SH3D21: variants seen among roughly 807,000 people sequenced by gnomAD.
SH3D21 encodes SH3 domain-containing protein 21.
In SH3D21, 83 loss-of-function variants were observed where a neutral mutation model predicts 82.1. That is an observed-to-expected ratio of 1.01 (90% CI 0.85 to 1.21). The LOEUF (loss-of-function observed/expected upper bound fraction) is 1.21. SH3D21 is among the 50% of genes most tolerant of loss of function. The pLI, the probability that SH3D21 is intolerant of heterozygous loss-of-function variation, is 0.00. For synonymous variants in SH3D21, 383 were observed against 387.8 expected (o/e 0.99, Z 0.15); for missense variants, 980 against 962.1 (o/e 1.02, Z -0.25).
Position 36,306,804 on chromosome 1 carries a change from G to T in SH3D21, c.163-38G>T, listed in dbSNP as rs1186554818. The T allele has an allele frequency of 7.7e-7, 1 of 1,292,766 alleles. No individual in the cohort carries two copies. Among genetic ancestry groups the T allele is most frequent in the Admixed American group, 2.3e-5 (1 of 43,324 alleles). 80.1% of individuals were successfully genotyped at this position (1,292,766 alleles called of 1,614,324 possible). On this transcript the variant is annotated intron_variant, in intron 2 of 15. Transcript: ENST00000453908. This position sits in a 1 kb window ranked among gnomAD's most constrained non-coding sequence, Gnocchi z 4.5. ...TGTGGGGTCTCAGCGCGCGCCCCCC[G>T]GGAGCTGAGAGCGCCTTCCCCGTGC...
At chr1:36,327,914 G>A, downstream of SH3D21, 2 of 1,272,794 alleles carry the variant, frequency 1.6e-6, no homozygotes, top group Non-Finnish European at 2.1e-6. Flanking sequence ...CAGCCCACCA[G>A]CCTGTCCGTG....
downstream of SH3D21, chr1:36,322,827 C>G (rs113936116): frequency 1.3e-6 from 2 of 1,487,092 alleles, no homozygotes; most frequent in Non-Finnish European, 1.8e-6. Flanking sequence ...AGGCCTGTAA[C>G]CCCTACTCGA....
chr1:36,322,279 C>G, downstream of SH3D21: 1 of 1,483,054 alleles, frequency 6.7e-7, no homozygotes, highest in Non-Finnish European at 8.9e-7. Flanking sequence ...CGCCTTGCAG[C>G]GGGAGCCGGG....
Position 36,307,891 on chromosome 1 carries a change from G to C in SH3D21, c.493-27G>C, listed in dbSNP as rs1411418742. ...CTTGGGGTGGTTGGAGGCTCATCTA[G>C]TTCCTCCCTGCCCCTTCCCCCACTA... On this transcript the variant is annotated intron_variant, in intron 6 of 15. Coordinates refer to ENST00000453908, the MANE Select transcript of SH3D21 (RefSeq NM_001162530.2). This position sits in a 1 kb window ranked among gnomAD's most constrained non-coding sequence, Gnocchi z 5.4. 1.3e-6 allele frequency: 2 copies of C among 1,551,558 alleles called. No individual in the cohort carries two copies. The highest frequency in any genetic ancestry group is 2.7e-5 in the African/African-American group (2 of 73,016).
intron 10 of SH3D21, among the ~76,000 whole-genome samples, chr1:36,315,364 C>T (rs561163407): frequency 2.0e-5 from 3 of 151,670 alleles, no homozygotes; most frequent in Middle Eastern, 3.4e-3. Context: ...TTTTCTTTTG[C>T]GGGGGGAAGG....
chr1:36,322,761 G>A (rs1482031365), downstream of SH3D21: 1 of 1,534,722 alleles, frequency 6.5e-7, no homozygotes, highest in Non-Finnish European at 8.8e-7. Context: ...GGAGAGGCCC[G>A]GACGGGTGGG....
In SH3D21 at chr1:36,306,571, C is replaced by CA. The variant is rs1646124412; in HGVS notation, c.5-26dup. 1 of 1,302,464 alleles carries CA rather than the reference C, an allele frequency of 7.7e-7. No individual in the cohort carries two copies. Among genetic ancestry groups the CA allele is most frequent in the Non-Finnish European group, 1.0e-6 (1 of 988,334 alleles). The allele number at this position is 1,302,464 out of a possible 1,614,324, so 80.7% of individuals were successfully genotyped here. On this transcript the variant is annotated intron_variant, in intron 1 of 15. Coordinates refer to ENST00000453908, the MANE Select transcript of SH3D21 (RefSeq NM_001162530.2). The surrounding 1 kb of genome is among the most constrained non-coding windows in gnomAD (Gnocchi z 4.5). ...TGCCCGGCTGGGCCTTTCTGAGCCGCACGCCGGCCCCGTCTTCCGCCCGCA... is the reference window on the plus strand; with the variant it reads ...TGCCCGGCTGGGCCTTTCTGAGCCGCAACGCCGGCCCCGTCTTCCGCCCGCA...
chr1:36,321,681 C>A, downstream of SH3D21: 1 of 1,017,450 alleles, frequency 9.8e-7, no homozygotes, highest in African/African-American at 1.7e-5. The surrounding 1 kb of genome is among the most constrained non-coding windows in gnomAD (Gnocchi z 6.1). Flanking sequence ...GCACCTTAGC[C>A]TCGAGGTCAG....
chr1:36,316,014 C>G (rs929018942), intron 10 of SH3D21, among the ~76,000 whole-genome samples: 4 of 152,132 alleles, frequency 2.6e-5, no homozygotes, highest in Non-Finnish European at 4.4e-5. Flanking sequence ...ACATCCTGAA[C>G]TTCTTCAAAT....
rs1646414521 is a variant in SH3D21, at chr1:36,319,862, G to A, written c.1199G>A (p.Gly400Glu). The A allele has an allele frequency of 6.2e-7, 1 of 1,613,492 alleles. No homozygotes were observed. Among genetic ancestry groups the A allele is most frequent in the South Asian group, 1.1e-5 (1 of 91,014 alleles). Residue 400 changes from glycine to glutamate, a missense_variant, in exon 14 of 16, where the codon GGG (glycine) becomes GAG (glutamate). Physicochemically the swap from Gly to Glu is moderately conservative, Grantham distance 98 (BLOSUM62 -2). Coordinates refer to ENST00000453908, the MANE Select transcript of SH3D21 (RefSeq NM_001162530.2). ...LTLGDKASIP[G>E]NSTSGKIPAP... is the part of the protein sequence containing the mutation. ...CTAGGGGACAAGGCCTCTATCCCAG[G>A]GAACTCCACCTCGGGGAAGATCCCA...
At chr1:36,308,572 T>A in intron 9 of SH3D21, 97 bp downstream of exon 9, 1 of 943,210 alleles carries the variant, frequency 1.1e-6, no homozygotes, top group Non-Finnish European at 1.6e-6. Context: ...GGAGGGTCAC[T>A]AAATGAGGGT....
In SH3D21 at chr1:36,307,478, G is replaced by A. The variant is rs920148790; in HGVS notation, c.346-39G>A. On this transcript the variant is annotated intron_variant, in intron 4 of 15. Coordinates refer to ENST00000453908, the MANE Select transcript of SH3D21 (RefSeq NM_001162530.2). The surrounding 1 kb of genome is among the most constrained non-coding windows in gnomAD (Gnocchi z 5.4). ...GGCAGATTATCCTAGGGACTCTTGG[G>A]GCAGAACCAGACGCCTCTGCGTCCT... 7.1e-6 allele frequency: 11 copies of A among 1,544,914 alleles called. No homozygotes were observed. Among genetic ancestry groups the A allele is most frequent in the Non-Finnish European group, 9.6e-6 (11 of 1,141,718 alleles).
chr1:36,325,802 C>T (rs1646537027), downstream of SH3D21, among the ~76,000 whole-genome samples: 1 of 152,240 alleles, frequency 6.6e-6, no homozygotes, highest in Admixed American at 6.5e-5. Context: ...CCTTGACCTC[C>T]CAAAGTGCAG....
In SH3D21 at chr1:36,306,749, G is replaced by C; in HGVS notation, c.156G>C (p.Leu52=). The change falls in exon 2 of 16, where the codon CTG becomes CTC. Residue 52 remains leucine, a synonymous_variant. Coordinates refer to ENST00000453908, the MANE Select transcript of SH3D21 (RefSeq NM_001162530.2). This position sits in a 1 kb window ranked among gnomAD's most constrained non-coding sequence, Gnocchi z 4.5. ...GGRYGLFPER[L]VQEIPETLRG... is the part of the protein sequence containing the mutation. ...GCTATGGCCTCTTCCCCGAGCGCCT[G>C]GTGCAGGTGAGGCCGAGCCAGGGGC... 1 of 1,289,504 alleles carries C rather than the reference G, an allele frequency of 7.8e-7. No homozygotes were observed. Among genetic ancestry groups the C allele is most frequent in the Non-Finnish European group, 1.0e-6 (1 of 986,714 alleles). 79.9% of individuals were successfully genotyped at this position (1,289,504 alleles called of 1,614,324 possible). A position where few individuals can be genotyped will look rare whatever the true frequency, so the allele number is the denominator to read the frequency against.
rs777279979 is a variant in SH3D21, at chr1:36,319,506, G to C, written c.981G>C (p.Gln327His). ...CTGGCCGAAAGCGATCCAAAACCCAGACTCCCCAGCAACGCTCTGTGTCCA... is the reference window on the plus strand; with the variant it reads ...CTGGCCGAAAGCGATCCAAAACCCACACTCCCCAGCAACGCTCTGTGTCCA... ...YHPGRKRSKT[Q>H]TPQQRSVSSQ... The change falls in exon 13 of 16, where the codon CAG becomes CAC. Residue 327 changes from glutamine to histidine, a missense_variant. By Grantham distance (24) the Gln-to-His change is conservative. Coordinates refer to ENST00000453908, the MANE Select transcript of SH3D21 (RefSeq NM_001162530.2). The C allele has an allele frequency of 3.8e-5, 59 of 1,551,538 alleles. No individual in the cohort carries two copies. Among genetic ancestry groups the C allele is most frequent in the Non-Finnish European group, 5.0e-5 (57 of 1,146,988 alleles).
In SH3D21 at chr1:36,308,121, A is replaced by T. The variant is rs1185983854; in HGVS notation, c.551A>T (p.Glu184Val). 6.5e-7 allele frequency: 1 copy of T among 1,548,458 alleles called. No individual in the cohort carries two copies. Among genetic ancestry groups the T allele is most frequent in the African/African-American group, 1.4e-5 (1 of 73,060 alleles). The change falls in exon 8 of 16, where the codon GAG becomes GTG. Residue 184 changes from glutamate (E) to valine (V), a missense_variant. By Grantham distance (121) the Glu-to-Val change is moderately radical (BLOSUM62 -2). Coordinates refer to ENST00000453908, the MANE Select transcript of SH3D21 (RefSeq NM_001162530.2). ...GACCTCTTCCCAGTCTCCCACCCTG[A>T]GGTCTACAGGGTCCTGTTTGACTAC... ...PDYLQTVSHP[E>V]VYRVLFDYQP...
At position 36,307,196 on chromosome 1, in the gene SH3D21, A is replaced by G; in HGVS notation, c.256A>G (p.Arg86Gly). ...GHPAKHPRPQ[R>G]WCKVNFSYSP... is the part of the protein sequence containing the mutation. ...TCCTGCCAAACACCCGAGGCCCCAA[A>G]GATGGTGCAAAGTGAACTTCAGCTA... Residue 86 changes from arginine to glycine, a missense_variant, in exon 4 of 16, where the codon AGA becomes GGA. Transcript: ENST00000453908. The surrounding 1 kb of genome is among the most constrained non-coding windows in gnomAD (Gnocchi z 5.4). The G allele has an allele frequency of 6.4e-7, 1 of 1,551,778 alleles. No homozygotes were observed. Among genetic ancestry groups the G allele is most frequent in the Non-Finnish European group, 8.7e-7 (1 of 1,146,992 alleles).
chr1:36,329,212 G>T (rs547032909), downstream of SH3D21: 3 of 152,302 alleles, frequency 2.0e-5, no homozygotes, highest in East Asian at 5.8e-4. Context: ...GAAATAAAAG[G>T]TAATGATAAT....
downstream of SH3D21, chr1:36,322,665 G>T: frequency 6.5e-7 from 1 of 1,547,266 alleles, no homozygotes; most frequent in African/African-American, 1.4e-5. Context: ...CAGGCAGAGG[G>T]TGAGCAGCAG....
Sources: gnomAD v4.1 joint callset for allele counts (sites outside exome capture counted in the v4.1 genomes callset) on GRCh38, gnomAD v4.1.1 for gene constraint, Gnocchi (gnomAD v3.1) non-coding constraint, MANE v1.5 for transcripts, NCBI Gene and HGNC (gene_info 2026-07-23, HGNC 2026-07-21) for gene names.